ROCK2: variants seen among roughly 807,000 people sequenced by gnomAD.
The protein encoded by ROCK2 is Rho associated coiled-coil containing protein kinase 2.
A neutral mutation model predicts 195.1 loss-of-function variants in ROCK2; 61 were observed. The ratio of observed to expected loss-of-function variants is 0.31; its 90% CI spans 0.25 to 0.39. ROCK2 has a LOEUF of 0.39. Among genes scored for constraint, ROCK2 ranks in the 10% least tolerant of loss-of-function variants. The pLI is 1.00. For synonymous variants in ROCK2, 504 were observed against 545.5 expected, an observed-to-expected ratio of 0.92 and a Z score of 1.06; for missense variants, 1,109 against 1,637.4, an observed-to-expected ratio of 0.68 and a Z score of 5.57.
At chr2:11,291,497 C>T (rs986619547) in intron 1 of ROCK2, among the ~76,000 whole-genome samples, 2 of 151,868 alleles carry the variant, frequency 1.3e-5, no homozygotes, top group Admixed American at 6.6e-5. Context: ...TTGCAGCGAG[C>T]GGAGGATCGC....
intron 24 of ROCK2, 28 bp from the exon 25 acceptor site, chr2:11,198,613 CA>C: frequency 6.3e-7 from 1 of 1,598,172 alleles, no homozygotes; most frequent in South Asian, 1.1e-5. Context: ...GTTAAAATTA[CA>C]TTGGTAATTA....
At chr2:11,325,525 T>A (rs1012234851) in intron 1 of ROCK2, among the ~76,000 whole-genome samples, 2 of 152,120 alleles carry the variant, frequency 1.3e-5, no homozygotes, top group Non-Finnish European at 2.9e-5. Flanking sequence ...AGAAAAATGG[T>A]GCAGCTTCAA....
intron 32 of ROCK2, chr2:11,184,759 A>G (rs934984932): frequency 1.1e-5 from 11 of 984,244 alleles, no homozygotes; most frequent in Non-Finnish European, 1.2e-5. Flanking sequence ...TTAAATGCCA[A>G]ATCAAGCAAT....
intron 4 of ROCK2, among the ~76,000 whole-genome samples, chr2:11,236,603 G>A (rs955701248): frequency 2.6e-5 from 4 of 152,102 alleles, no homozygotes; most frequent in Admixed American, 2.6e-4. Flanking sequence ...GGTTGCTACT[G>A]ACCCCCCAAA....
chr2:11,296,747 T>C (rs1300788655), intron 1 of ROCK2, among the ~76,000 whole-genome samples: 1 of 152,076 alleles, frequency 6.6e-6, no homozygotes, highest in Non-Finnish European at 1.5e-5. Context: ...ATAAAGAAAA[T>C]TATTTTACTC....
In ROCK2 at chr2:11,258,879, A is replaced by T. The variant is rs1032031459; in HGVS notation, c.325-9081T>A. ...GATGTGTGGATCCTGGAAAGGGATT[A>T]AAAAAAAAAGAAAACTGAAAAGGGA... On this transcript the variant is annotated intron_variant, in intron 3 of 32. Coordinates refer to ENST00000315872, the MANE Select transcript of ROCK2 (RefSeq NM_004850.5). Among the ~76,000 whole-genome samples the T allele has an allele frequency of 3.4e-5, 5 of 145,408 alleles. 1 individual carries two copies. The highest frequency in any genetic ancestry group is 2.0e-4 in the Admixed American group (3 of 14,752).
intron 3 of ROCK2, among the ~76,000 whole-genome samples, chr2:11,255,233 A>AAAAAAAAC (rs1219181701): frequency 5.4e-5 from 8 of 147,990 alleles, no homozygotes; most frequent in African/African-American, 1.5e-4. Context: ...AAAAAAAAAA[A>AAAAAAAAC]AAAACTTGGG....
chr2:11,288,704 A>T (rs1461191847), intron 1 of ROCK2, among the ~76,000 whole-genome samples: 1 of 140,676 alleles, frequency 7.1e-6, no homozygotes, highest in Non-Finnish European at 1.6e-5. Context: ...GCAGAAAACG[A>T]AACAGCAGTA....
chr2:11,271,457 T>C (rs958134088), intron 3 of ROCK2, among the ~76,000 whole-genome samples: 18 of 152,360 alleles, frequency 1.2e-4, no homozygotes, highest in Middle Eastern at 3.4e-3. Flanking sequence ...TGCTTATGAA[T>C]CCTGGATCTT....
chr2:11,199,307 C>CT (rs34933587), intron 23 of ROCK2, among the ~76,000 whole-genome samples: 37 of 146,476 alleles, frequency 2.5e-4, no homozygotes, highest in South Asian at 1.7e-3. Context: ...ATGTGATTTT[C>CT]TTTTTTTTTT....
At chr2:11,336,007 TAA>T (rs965494221) in intron 1 of ROCK2, among the ~76,000 whole-genome samples, 3 of 152,174 alleles carry the variant, frequency 2.0e-5, no homozygotes, top group Non-Finnish European at 2.9e-5. Flanking sequence ...TAAATACATA[TAA>T]GTTAAGATAT....
At chr2:11,311,170 C>T (rs1410824028) in intron 1 of ROCK2, among the ~76,000 whole-genome samples, 1 of 152,068 alleles carries the variant, frequency 6.6e-6, no homozygotes, top group Non-Finnish European at 1.5e-5. Context: ...CTGGAGATTT[C>T]TATCTCTACC....
chr2:11,243,779 A>T (rs1276588442), intron 4 of ROCK2, among the ~76,000 whole-genome samples: 1 of 152,222 alleles, frequency 6.6e-6, no homozygotes, highest in East Asian at 1.9e-4. Flanking sequence ...TCTGGATGGG[A>T]TCCTGAAACA....
chr2:11,236,306 TA>T (rs1209164484), intron 4 of ROCK2, among the ~76,000 whole-genome samples: 2 of 151,612 alleles, frequency 1.3e-5, no homozygotes, highest in Admixed American at 6.6e-5. Context: ...CACTATAATT[TA>T]AAAAAAACAG....
chr2:11,249,960 G>C (rs529148218), intron 3 of ROCK2, among the ~76,000 whole-genome samples, 162 bp from the exon 4 acceptor site: 1 of 152,184 alleles, frequency 6.6e-6, no homozygotes, highest in East Asian at 1.9e-4. Context: ...AAACAAAGGA[G>C]AACATTTCTA....
At chr2:11,233,655 A>G (rs1487755201) in intron 5 of ROCK2, among the ~76,000 whole-genome samples, 1 of 152,212 alleles carries the variant, frequency 6.6e-6, no homozygotes, top group African/African-American at 2.4e-5. Context: ...ACTAAGCAGC[A>G]GAAAGAAGCA....
chr2:11,241,270 T>C (rs1029547895), intron 4 of ROCK2, among the ~76,000 whole-genome samples: 2 of 151,842 alleles, frequency 1.3e-5, no homozygotes, highest in South Asian at 4.2e-4. Context: ...CTTAAGGACA[T>C]AGCAAAAAAA....
intron 3 of ROCK2, among the ~76,000 whole-genome samples, chr2:11,275,546 A>G (rs1438263702): frequency 6.6e-6 from 1 of 152,172 alleles, no homozygotes. Flanking sequence ...TTTCCACATC[A>G]TGACCAAGTA....
chr2:11,227,316 C>CA lies in ROCK2; in HGVS notation c.805_806insT (p.Gly269ValfsTer8). 1 of 1,613,972 alleles carries CA rather than the reference C, an allele frequency of 6.2e-7. No homozygotes were observed. Among genetic ancestry groups the CA allele is most frequent in the Non-Finnish European group, 8.5e-7 (1 of 1,179,900 alleles). On this transcript the variant is annotated frameshift_variant, in exon 6 of 33. Coordinates refer to ENST00000315872, the MANE Select transcript of ROCK2 (RefSeq NM_004850.5). LOFTEE classifies it high-confidence loss of function. ...CCAATCACATTCTCGCCCATAGAAA[C>CA]CATCACCCCCTTGTGATTTCAGAAC...
Sources: gnomAD v4.1 joint callset for allele counts (sites outside exome capture counted in the v4.1 genomes callset) on GRCh38, gnomAD v4.1.1 for gene constraint, MANE v1.5 for transcripts, NCBI Gene and HGNC (gene_info 2026-07-23, HGNC 2026-07-21) for gene names.